ADAM12: variants seen among roughly 807,000 people sequenced by gnomAD.
The protein encoded by ADAM12 is ADAM metallopeptidase domain 12, also known as disintegrin and metalloproteinase domain-containing protein 12.
Under a neutral mutation model 106.4 loss-of-function variants are expected in ADAM12, and 70 were observed. That is an observed-to-expected ratio of 0.66 (90% CI 0.54 to 0.80). The LOEUF is 0.80. Among genes scored for constraint, ADAM12 ranks in the 30% least tolerant of loss-of-function variants. The pLI, the probability that ADAM12 is intolerant of heterozygous loss-of-function variation, is 0.00. For synonymous variants in ADAM12, 420 were observed against 433.5 expected, an observed-to-expected ratio of 0.97 and a Z score of 0.39; for missense variants, 1,010 against 1,171.9, an observed-to-expected ratio of 0.86 and a Z score of 2.02.
At chr10:126,155,469 C>T (rs906065527) in intron 3 of ADAM12, among the ~76,000 whole-genome samples, 164 bp from the exon 4 acceptor site, 13 of 151,760 alleles carry the variant, frequency 8.6e-5, no homozygotes, top group Middle Eastern at 3.4e-3. Flanking sequence ...TTAGGTTCTC[C>T]GGGGAGAATT....
chr10:126,050,560 T>G (rs1765047349), intron 14 of ADAM12, among the ~76,000 whole-genome samples: 2 of 152,262 alleles, frequency 1.3e-5, no homozygotes, highest in Non-Finnish European at 2.9e-5. Context: ...ATGGCCAGGA[T>G]GCCGACACTC....
rs544414029 is a variant in ADAM12 at position 126,326,171 on chromosome 10, A to G, written c.186+4241T>C. Among the ~76,000 whole-genome samples the G allele has an allele frequency of 7.2e-5, 11 of 152,210 alleles. No individual in the cohort carries two copies. The South Asian group carries it at 2.1e-3, about 29-fold the overall frequency. On this transcript the variant is annotated intron_variant, in intron 2 of 22. Coordinates refer to ENST00000448723, the MANE Select transcript of ADAM12 (RefSeq NM_001288973.2). ...GCATCAATTTCCCCAAGTGGATCTA[A>G]GCCTTGGGTGCTCACTAAAATCACC...
At chr10:126,150,081 C>G (rs1956702246) in intron 4 of ADAM12, among the ~76,000 whole-genome samples, 1 of 152,238 alleles carries the variant, frequency 6.6e-6, no homozygotes, top group South Asian at 2.1e-4. Flanking sequence ...TTTACACATT[C>G]TAGAGATGTC....
At chr10:126,350,933 C>T (rs898753793) in intron 1 of ADAM12, among the ~76,000 whole-genome samples, 1 of 152,186 alleles carries the variant, frequency 6.6e-6, no homozygotes, top group African/African-American at 2.4e-5. Context: ...AGCCCTGCCC[C>T]TTCCCCTGTC....
chr10:126,226,501 G>C (rs1165273275), intron 3 of ADAM12, among the ~76,000 whole-genome samples: 1 of 152,210 alleles, frequency 6.6e-6, no homozygotes, highest in Admixed American at 6.5e-5. Flanking sequence ...CATCACAAGA[G>C]GACTGGGATT....
At chr10:126,131,118 T>C (rs911247933) in intron 5 of ADAM12, among the ~76,000 whole-genome samples, 29 of 145,594 alleles carry the variant, frequency 2.0e-4, no homozygotes, top group African/African-American at 6.3e-4. Flanking sequence ...TTTTTTTTTT[T>C]TTTTTTTTTT....
At chr10:126,144,551 A>T (rs988099885) in intron 4 of ADAM12, among the ~76,000 whole-genome samples, 2 of 152,138 alleles carry the variant, frequency 1.3e-5, no homozygotes, top group African/African-American at 4.8e-5. Flanking sequence ...TTATTTGCTT[A>T]TACCCTGTCA....
intron 17 of ADAM12, among the ~76,000 whole-genome samples, chr10:126,045,379 C>A (rs370461777): frequency 6.6e-6 from 1 of 152,080 alleles, no homozygotes; most frequent in African/African-American, 2.4e-5. Flanking sequence ...CCCATGCACC[C>A]GGTAATTCTG....
chr10:126,192,865 T>C (rs1002935936), intron 3 of ADAM12, among the ~76,000 whole-genome samples: 1 of 152,260 alleles, frequency 6.6e-6, no homozygotes, highest in Non-Finnish European at 1.5e-5. Context: ...GTTTCTACCA[T>C]GTAATTCTGC....
chr10:126,053,114 T>C lies in ADAM12; in HGVS notation c.1610-3445A>G, dbSNP rs1189808772. 6.6e-6 allele frequency among the ~76,000 whole-genome samples: 1 copy of C among 152,114 alleles called. No homozygotes were observed. The highest frequency in any genetic ancestry group is 1.9e-4 in the East Asian group (1 of 5,178). Reference sequence around the variant, plus strand: ...AAAGTGTGTGGCACCTCCCTTTTCCTTCTCTCTCTTGCTCCTGCTCCGGCC... The same window carrying C: ...AAAGTGTGTGGCACCTCCCTTTTCCCTCTCTCTCTTGCTCCTGCTCCGGCC... On this transcript the variant is annotated intron_variant, in intron 14 of 22. Transcript: ENST00000448723. The surrounding 1 kb of genome is among the most constrained non-coding windows in gnomAD (Gnocchi z 4.6).
chr10:126,106,160 C>G (rs988790808), intron 8 of ADAM12, among the ~76,000 whole-genome samples: 2 of 152,134 alleles, frequency 1.3e-5, no homozygotes, highest in Admixed American at 1.3e-4. Flanking sequence ...GCTTGGTCAT[C>G]ATGAGGTCCC....
chr10:126,252,124 GGAT>G, intron 3 of ADAM12, among the ~76,000 whole-genome samples: 1 of 151,938 alleles, frequency 6.6e-6, no homozygotes, highest in African/African-American at 2.4e-5. Context: ...TGGGATGGAT[GGAT>G]GGATGGACAG....
chr10:126,348,266 A>C (rs1475692785), intron 1 of ADAM12, among the ~76,000 whole-genome samples: 1 of 152,178 alleles, frequency 6.6e-6, no homozygotes, highest in East Asian at 1.9e-4. Context: ...ACGGAAAGGG[A>C]TAGTGCCTTT....
chr10:126,175,472 T>C, intron 3 of ADAM12, among the ~76,000 whole-genome samples: 1 of 126,740 alleles, frequency 7.9e-6, no homozygotes, highest in East Asian at 2.2e-4. Context: ...AACATATGTT[T>C]CTAAAACAGT....
intron 3 of ADAM12, among the ~76,000 whole-genome samples, chr10:126,161,195 C>A (rs1309199388): frequency 1.3e-5 from 2 of 152,238 alleles, no homozygotes; most frequent in Non-Finnish European, 2.9e-5. Flanking sequence ...CTGCAGAGAG[C>A]CTGCACCTCC....
intron 3 of ADAM12, among the ~76,000 whole-genome samples, chr10:126,199,104 C>T (rs1222243165): frequency 6.6e-6 from 1 of 152,144 alleles, no homozygotes; most frequent in African/African-American, 2.4e-5. Flanking sequence ...TAGTCAAGTC[C>T]TCAGTCTCAC....
intron 3 of ADAM12, among the ~76,000 whole-genome samples, chr10:126,271,930 A>G (rs1959179129): frequency 6.6e-6 from 1 of 152,210 alleles, no homozygotes; most frequent in Admixed American, 6.5e-5. Flanking sequence ...TCATCAGTAC[A>G]AAGACCTTCT....
intron 3 of ADAM12, among the ~76,000 whole-genome samples, chr10:126,169,053 G>C (rs888615409): frequency 6.6e-6 from 1 of 151,558 alleles, no homozygotes; most frequent in Admixed American, 6.6e-5. Context: ...ACTCCGTCTC[G>C]AAAAAAAACC....
intron 3 of ADAM12, among the ~76,000 whole-genome samples, chr10:126,233,819 C>T (rs3858314): frequency 0.16 from 24,074 of 152,142 alleles, 2,465 homozygotes; most frequent in African/African-American, 0.28. Flanking sequence ...AGTCTTTGAT[C>T]TATGATAACA....
Sources: gnomAD v4.1 joint callset for allele counts (sites outside exome capture counted in the v4.1 genomes callset) on GRCh38, gnomAD v4.1.1 for gene constraint, Gnocchi (gnomAD v3.1) non-coding constraint, MANE v1.5 for transcripts, NCBI Gene and HGNC (gene_info 2026-07-23, HGNC 2026-07-21) for gene names.